The following OPCML variants were observed in gnomAD, a reference collection of about 807,000 sequenced individuals.
The protein encoded by OPCML is opioid binding protein/cell adhesion molecule like.
A neutral mutation model predicts 37.8 loss-of-function variants in OPCML; 13 were observed. The ratio of observed to expected loss-of-function variants is 0.34; its 90% CI spans 0.22 to 0.55. The LOEUF (loss-of-function observed/expected upper bound fraction) is 0.55, where lower values mean the gene tolerates loss of function less well. Ranked by LOEUF, OPCML falls within the 20% of genes least tolerant of loss-of-function variation. The pLI is 0.91. For synonymous variants in OPCML, 176 were observed against 168.8 expected (o/e 1.04, Z -0.33); for missense variants, 341 against 435.6 (o/e 0.78, Z 1.93).
At chr11:133,008,412 TC>T in intron 1 of OPCML, 1 of 983,916 alleles carries the variant, frequency 1.0e-6, no homozygotes, top group Non-Finnish European at 1.2e-6. Context: ...GCTCAGGAGG[TC>T]CTTTTCTGAT....
intron 2 of OPCML, among the ~76,000 whole-genome samples, chr11:132,859,852 T>C (rs530517984): frequency 6.6e-6 from 1 of 152,320 alleles, no homozygotes; most frequent in Non-Finnish European, 1.5e-5. Context: ...TTCCATCATT[T>C]TCTCAACGGT....
intron 1 of OPCML, among the ~76,000 whole-genome samples, chr11:133,136,179 T>C (rs1196348451): frequency 6.6e-6 from 1 of 152,144 alleles, no homozygotes; most frequent in African/African-American, 2.4e-5. Flanking sequence ...GTAAAACCCA[T>C]TTAGGTTTCT....
At chr11:133,159,350 G>A (rs189312071) in intron 1 of OPCML, among the ~76,000 whole-genome samples, 31 of 152,254 alleles carry the variant, frequency 2.0e-4, no homozygotes, top group South Asian at 1.5e-3. Context: ...GTTATGATCC[G>A]ACAACAAGTG....
intron 1 of OPCML, among the ~76,000 whole-genome samples, chr11:133,113,449 C>T (rs937093679): frequency 6.6e-6 from 1 of 152,154 alleles, no homozygotes; most frequent in African/African-American, 2.4e-5. Flanking sequence ...AATAACAGAA[C>T]TACATTTGTT....
intron 3 of OPCML, among the ~76,000 whole-genome samples, chr11:132,546,865 T>A (rs1032111869): frequency 6.6e-6 from 1 of 152,184 alleles, no homozygotes; most frequent in African/African-American, 2.4e-5. Flanking sequence ...ACATTGCATA[T>A]TTCCGCAGGT....
chr11:132,847,469 C>A (rs1216754314), intron 2 of OPCML, among the ~76,000 whole-genome samples: 1 of 152,044 alleles, frequency 6.6e-6, no homozygotes, highest in East Asian at 1.9e-4. Context: ...AGACTGGAAC[C>A]CTATCTTCTT....
At chr11:133,483,973 GTAGA>G (rs36132068) in intron 1 of OPCML, among the ~76,000 whole-genome samples, 2 of 149,140 alleles carry the variant, frequency 1.3e-5, no homozygotes, top group Non-Finnish European at 3.0e-5. Flanking sequence ...ATATAGATAG[GTAGA>G]TAGAAAGATA....
intron 1 of OPCML, among the ~76,000 whole-genome samples, chr11:133,105,987 T>TA (rs201686210): frequency 0.18 from 17,063 of 92,988 alleles, 1,673 homozygotes; most frequent in African/African-American, 0.37. Flanking sequence ...ATCTTAAAAA[T>TA]AAAAAAAAAA....
intron 2 of OPCML, among the ~76,000 whole-genome samples, chr11:132,841,304 A>G (rs1279408889): frequency 1.3e-5 from 2 of 152,134 alleles, no homozygotes; most frequent in African/African-American, 4.8e-5. Context: ...CCCGGCCCCC[A>G]CTAATTATTC....
At chr11:132,973,505 C>T (rs538552707) in intron 1 of OPCML, among the ~76,000 whole-genome samples, 17 of 152,306 alleles carry the variant, frequency 1.1e-4, no homozygotes, top group Non-Finnish European at 2.2e-4. Flanking sequence ...ATAATTGCTC[C>T]AACACCTTAG....
At chr11:133,176,495 G>A (rs1184621502) in intron 1 of OPCML, among the ~76,000 whole-genome samples, 1 of 152,076 alleles carries the variant, frequency 6.6e-6, no homozygotes, top group Non-Finnish European at 1.5e-5. Flanking sequence ...GCCTGGTGGA[G>A]GTGGGGCCTG....
At chr11:133,180,318 T>C (rs908235805) in intron 1 of OPCML, among the ~76,000 whole-genome samples, 3 of 152,066 alleles carry the variant, frequency 2.0e-5, no homozygotes, top group African/African-American at 7.2e-5. Context: ...CAGTCTCTGG[T>C]GGGACAAACA....
rs137894530 is a variant in OPCML at position 132,551,795 on chromosome 11, C to G, written c.380-22609G>C. Among the ~76,000 whole-genome samples the G allele has an allele frequency of 3.2e-3, 488 of 152,236 alleles. 8 individuals are homozygous for G. The highest frequency in any genetic ancestry group is 0.031 in the East Asian group (160 of 5,176). ...CCTTAAAAACTCTGATCCCTGAATGCCTGAGGAGACCGATTTGAGTAATAA... is the reference window on the plus strand; with the variant it reads ...CCTTAAAAACTCTGATCCCTGAATGGCTGAGGAGACCGATTTGAGTAATAA... On this transcript the variant is annotated intron_variant, in intron 3 of 7. Coordinates refer to ENST00000524381, the MANE Select transcript of OPCML (RefSeq NM_001012393.5).
chr11:133,032,097 C>T (rs79777226), intron 1 of OPCML, among the ~76,000 whole-genome samples: 15,807 of 152,136 alleles, frequency 0.1, 1,300 homozygotes, highest in East Asian at 0.3. Context: ...TTTCCAACAT[C>T]CCTTTTTCCA....
intron 1 of OPCML, among the ~76,000 whole-genome samples, chr11:133,354,289 G>A (rs201664352): frequency 6.3e-3 from 798 of 126,718 alleles, no homozygotes; most frequent in South Asian, 0.01. Flanking sequence ...AGTGATGGTG[G>A]TGCTGGTGGT....
intron 3 of OPCML, among the ~76,000 whole-genome samples, chr11:132,561,505 G>A (rs1304862272): frequency 6.6e-6 from 1 of 152,160 alleles, no homozygotes; most frequent in South Asian, 2.1e-4. Context: ...GCTCCTTGAC[G>A]GTGTGGTCTT....
At chr11:133,055,526 G>A (rs1031328102) in intron 1 of OPCML, among the ~76,000 whole-genome samples, 1 of 149,774 alleles carries the variant, frequency 6.7e-6, no homozygotes, top group Non-Finnish European at 1.5e-5. Context: ...CCCCATGAGG[G>A]AGACGCCTCT....
chr11:132,499,742 G>A (rs914546265), intron 4 of OPCML, among the ~76,000 whole-genome samples: 4 of 152,316 alleles, frequency 2.6e-5, no homozygotes, highest in African/African-American at 9.6e-5. Flanking sequence ...TTGTCCTGAG[G>A]ATGCAAGGAA....
At chr11:132,680,270 T>C (rs1264689262) in intron 2 of OPCML, among the ~76,000 whole-genome samples, 4 of 152,150 alleles carry the variant, frequency 2.6e-5, no homozygotes, top group Non-Finnish European at 4.4e-5. Flanking sequence ...TCATGGGCCC[T>C]CTCATCAACT....
Sources: allele counts gnomAD v4.1 joint callset (sites outside exome capture counted in the v4.1 genomes callset), GRCh38; gene constraint gnomAD v4.1.1; transcripts MANE v1.5; gene names NCBI Gene and HGNC (gene_info 2026-07-23, HGNC 2026-07-21).